Variants in BRICD5 observed in about 807,000 individuals in gnomAD.
BRICD5 encodes the protein BRICHOS domain-containing protein 5.
A neutral mutation model predicts 28.4 loss-of-function variants in BRICD5; 51 were observed. The ratio of observed to expected loss-of-function variants is 1.80; its 90% CI spans 1.43 to 2.27. The LOEUF is 2.27. Among genes scored for constraint, BRICD5 ranks in the 30% most tolerant of loss-of-function variants. The pLI, the probability that BRICD5 is intolerant of heterozygous loss-of-function variation, is 0.00. For missense variants in BRICD5, 456 were observed against 309.6 expected (o/e 1.47, Z -3.55); for synonymous variants, 177 against 130.2 (o/e 1.36, Z -2.44).
Position 2,210,027 on chromosome 16 carries a change from C to A in BRICD5, c.361G>T (p.Glu121Ter). ...QSGCICYRPEEHQVCFLRLME... is the reference protein window; with the variant it reads ...QSGCICYRPE ...AGGCGGAGGAAGCAGACCTGGTGCT[C>A]CTCAGGGCGGTAACAGATGCAGCCC... Residue 121 changes from glutamate to a stop codon, truncating the protein, a stop_gained, in exon 4 of 6, where the codon GAG becomes TAG. Coordinates refer to ENST00000328540, the MANE Select transcript of BRICD5 (RefSeq NM_182563.4). LOFTEE classifies it high-confidence loss of function. 6.3e-7 allele frequency: 1 copy of A among 1,584,802 alleles called. No homozygotes were observed. The highest frequency in any genetic ancestry group is 8.6e-7 in the Non-Finnish European group (1 of 1,162,118).
chr16:2,210,770 G>A lies in BRICD5; in HGVS notation c.51+13C>T, dbSNP rs762530320. The A allele has an allele frequency of 6.6e-5, 106 of 1,607,584 alleles. No homozygotes were observed. Among genetic ancestry groups the A allele is most frequent in the Middle Eastern group, 3.3e-4 (2 of 6,082 alleles). ...CCTGGGTCCTTGCTGCAGGAGTAAC[G>A]GGAGGCACTCACCCCTGTAGGCCCA... On this transcript the variant is annotated intron_variant, in intron 1 of 5. Transcript: ENST00000328540.
rs968793846 is a variant in BRICD5, at chr16:2,210,113, C to T, written c.336+13G>A. On this transcript the variant is annotated intron_variant, in intron 3 of 5. Coordinates refer to ENST00000328540, the MANE Select transcript of BRICD5 (RefSeq NM_182563.4). ...CCGACACCTGCCAGGGTGACCCCTC[C>T]CTGCCCACTCACGCTCTGCCCGTCG... The T allele has an allele frequency of 1.9e-6, 3 of 1,606,594 alleles. No homozygotes were observed. The highest frequency in any genetic ancestry group is 2.5e-6 in the Non-Finnish European group (3 of 1,177,622).
At chr16:2,210,370 A>G in intron 2 of BRICD5, 89 bp from the exon 3 acceptor site, 6 of 1,531,574 alleles carry the variant, frequency 3.9e-6, no homozygotes, top group Non-Finnish European at 5.3e-6. Context: ...GACACCCCTG[A>G]GTGGGCCCTT....
rs943676672 is a variant in BRICD5, at chr16:2,209,724, G to T, written c.439-18C>A. On this transcript the variant is annotated intron_variant, in intron 4 of 5. Transcript: ENST00000328540. ...TCTTGGACCTGTTGAGAAGGCTCTG[G>T]TGGGCGGTGGGACAGGGCTGCTCCC... is the stretch of plus-strand genomic sequence containing the variant. 1.9e-6 allele frequency: 3 copies of T among 1,592,826 alleles called. No individual in the cohort carries two copies. Among genetic ancestry groups the T allele is most frequent in the Admixed American group, 1.7e-5 (1 of 58,416 alleles).
rs773521537 is a variant in BRICD5, at chr16:2,210,208, TCCA to T, written c.251_253del (p.Val84del). On this transcript the variant is annotated inframe_deletion, in exon 3 of 6. Coordinates refer to ENST00000328540, the MANE Select transcript of BRICD5 (RefSeq NM_182563.4). ...GATGGTCGCCGCGTTCCGGGCCACG[TCCA>T]CCAGGATGGTTTGGTTGGGCCGGGG... 7 of 1,588,358 alleles carry T rather than the reference TCCA, an allele frequency of 4.4e-6. No individual in the cohort carries two copies. The African/African-American group carries it at 9.4e-5, about 21-fold the overall frequency.
chr16:2,210,307 C>T (rs372988245), intron 2 of BRICD5, 26 bp from the exon 3 acceptor site: 436 of 1,508,370 alleles, frequency 2.9e-4, no homozygotes, highest in Admixed American at 7.4e-4. Flanking sequence ...GGAGTTCAGC[C>T]GGGCAGCTGT....
chr16:2,209,745 C>T (rs375296034), intron 4 of BRICD5, 39 bp from the exon 5 acceptor site: 103 of 1,555,762 alleles, frequency 6.6e-5, no homozygotes, highest in Admixed American at 1.3e-4. Flanking sequence ...GACAGGGCTG[C>T]TCCCTGCTCC....
chr16:2,210,519 C>T lies in BRICD5; in HGVS notation c.180+3G>A. 2 of 1,601,618 alleles carry T rather than the reference C, an allele frequency of 1.2e-6. No individual in the cohort carries two copies. Among genetic ancestry groups the T allele is most frequent in the Non-Finnish European group, 1.7e-6 (2 of 1,173,712 alleles). ...ATGTCCCTGGTGCTGAGGAGGGGCT[C>T]ACCTTGGGAGGGCCCTGAGCAGAGC... On this transcript the variant is annotated splice_donor_region_variant and intron_variant, in intron 2 of 5. Transcript: ENST00000328540.
chr16:2,210,183 G>A lies in BRICD5; in HGVS notation c.279C>T (p.Ile93=). The A allele has an allele frequency of 6.2e-7, 1 of 1,604,634 alleles. No homozygotes were observed. Among genetic ancestry groups the A allele is most frequent in the Non-Finnish European group, 8.5e-7 (1 of 1,177,088 alleles). The change falls in exon 3 of 6, where the codon ATC becomes ATT. Residue 93 remains isoleucine (I), a synonymous_variant. Transcript: ENST00000328540. ...LVDVARNAAT[I]TVTPPQSNHS... ...GGTTGCTCTGAGGTGGGGTCACTGTGATGGTCGCCGCGTTCCGGGCCACGT... is the reference window on the plus strand; with the variant it reads ...GGTTGCTCTGAGGTGGGGTCACTGTAATGGTCGCCGCGTTCCGGGCCACGT...
intron 1 of BRICD5, 27 bp from the exon 2 acceptor site, chr16:2,210,677 T>A (rs761853252): frequency 4.3e-6 from 7 of 1,610,260 alleles, no homozygotes; most frequent in Non-Finnish European, 8.5e-7. Context: ...GTCAGAAGGG[T>A]CATGAGGGTT....
chr16:2,210,133 C>T lies in BRICD5; in HGVS notation c.329G>A (p.Gly110Glu). Reference protein sequence around the residue: ...SNHSWAVLFDGQSGCICYRPE... With the variant: ...SNHSWAVLFDEQSGCICYRPE... The stretch of plus-strand genomic sequence containing the variant: ...CCCTCCCTGCCCACTCACGCTCTGC[C>T]CGTCGAACAGCACCGCCCAGCTGTG... The change falls in exon 3 of 6, where the codon GGG (glycine) becomes GAG (glutamate). Residue 110 changes from glycine (G) to glutamate (E), a missense_variant. Physicochemically the swap from Gly to Glu is moderately conservative, Grantham distance 98. Transcript: ENST00000328540. The T allele has an allele frequency of 1.2e-6, 2 of 1,609,106 alleles. No homozygotes were observed. The highest frequency in any genetic ancestry group is 1.1e-5 in the South Asian group (1 of 90,470).
chr16:2,209,834 G>A, intron 4 of BRICD5, 116 bp downstream of exon 4: 1 of 1,385,046 alleles, frequency 7.2e-7, no homozygotes, highest in South Asian at 1.4e-5. Flanking sequence ...TGGGCTTAGG[G>A]CGGAGAGAGC....
Position 2,209,393 on chromosome 16 carries a change from A to G in BRICD5, c.656T>C (p.Val219Ala), listed in dbSNP as rs2093360372. 2 of 1,613,752 alleles carry G rather than the reference A, an allele frequency of 1.2e-6. No individual in the cohort carries two copies. The highest frequency in any genetic ancestry group is 2.2e-5 in the South Asian group (2 of 91,088). Residue 219 changes from valine to alanine, a missense_variant, in exon 6 of 6, where the codon GTG (valine) becomes GCG (alanine). Val to Ala is a moderately conservative substitution (Grantham distance 64). Coordinates refer to ENST00000328540, the MANE Select transcript of BRICD5 (RefSeq NM_182563.4). ...TGGGAGGTAATAAAAGCAGACCGAC[A>G]CGCAGATGTTGCTCGGGAAGCAGAT... ...IDICFPSNIC[V>A]SVCFYYLPD
chr16:2,209,915 C>A, intron 4 of BRICD5, 35 bp downstream of exon 4: 1 of 1,483,590 alleles, frequency 6.7e-7, no homozygotes, highest in Admixed American at 2.5e-5. Flanking sequence ...TTGTCTAGCC[C>A]CTGGCCCGGG....
chr16:2,210,799 T>A lies in BRICD5; in HGVS notation c.35A>T (p.Lys12Ile). 1 of 1,605,492 alleles carries A rather than the reference T, an allele frequency of 6.2e-7. No homozygotes were observed. The highest frequency in any genetic ancestry group is 1.1e-5 in the South Asian group (1 of 91,088). Reference protein sequence around the residue: ...EPASCCAERPKPGPTGVKTKP... With the variant: ...EPASCCAERPIPGPTGVKTKP... Reference sequence around the variant, plus strand: ...GGCACTCACCCCTGTAGGCCCAGGTTTGGGGCGCTCAGCACAGCAGCTTGC... The same window carrying A: ...GGCACTCACCCCTGTAGGCCCAGGTATGGGGCGCTCAGCACAGCAGCTTGC... Residue 12 changes from lysine (K) to isoleucine (I), a missense_variant, in exon 1 of 6, where the codon AAA becomes ATA. Physicochemically the swap from Lys to Ile is moderately radical, Grantham distance 102. Coordinates refer to ENST00000328540, the MANE Select transcript of BRICD5 (RefSeq NM_182563.4).
At chr16:2,210,447 G>T in intron 2 of BRICD5, 75 bp downstream of exon 2, 1 of 1,543,360 alleles carries the variant, frequency 6.5e-7, no homozygotes. Context: ...CCCTTGCTCT[G>T]CTGGAGGCTG....
rs773566730 is a variant in BRICD5, at chr16:2,209,329, T to C, written c.*33A>G. 1.9e-5 allele frequency: 30 copies of C among 1,588,690 alleles called. No homozygotes were observed. Among genetic ancestry groups the C allele is most frequent in the Middle Eastern group, 1.7e-4 (1 of 5,974 alleles). On this transcript the variant is annotated 3_prime_UTR_variant, in exon 6 of 6. Coordinates refer to ENST00000328540, the MANE Select transcript of BRICD5 (RefSeq NM_182563.4). ...AGGTGGCCTGGCCAGCCCACTGGAT[T>C]GGGGACGGGCCAGGCTGGGCCAGGT...
At position 2,210,797 on chromosome 16, in the gene BRICD5, G is replaced by A; in HGVS notation, c.37C>T (p.Pro13Ser). ...GAGGCACTCACCCCTGTAGGCCCAG[G>A]TTTGGGGCGCTCAGCACAGCAGCTT... ...PASCCAERPK[P>S]GPTGVKTKPS... Residue 13 changes from proline (P) to serine (S), a missense_variant, in exon 1 of 6, where the codon CCT becomes TCT. By Grantham distance (74) the Pro-to-Ser change is moderately conservative. Coordinates refer to ENST00000328540, the MANE Select transcript of BRICD5 (RefSeq NM_182563.4). 2 of 1,605,656 alleles carry A rather than the reference G, an allele frequency of 1.2e-6. No homozygotes were observed. The highest frequency in any genetic ancestry group is 1.7e-5 in the Admixed American group (1 of 60,018).
intron 5 of BRICD5, 35 bp from the exon 6 acceptor site, chr16:2,209,491 C>T (rs200139247): frequency 2.7e-5 from 43 of 1,613,180 alleles, no homozygotes; most frequent in Middle Eastern, 1.6e-4. Flanking sequence ...CCAAGGGCTC[C>T]GCCCCCAGCT....
Sources: gnomAD v4.1 joint callset for allele counts on GRCh38, gnomAD v4.1.1 for gene constraint, MANE v1.5 for transcripts, NCBI Gene and HGNC (gene_info 2026-07-23, HGNC 2026-07-21) for gene names.